The following MYO9B variants were observed in gnomAD, a reference collection of about 807,000 sequenced individuals.
MYO9B encodes the protein unconventional myosin-IXb.
MYO9B carries 71 observed loss-of-function variants against 229.5 expected under a neutral mutation model. That is an observed-to-expected ratio of 0.31 (90% CI 0.26 to 0.38). MYO9B has a LOEUF of 0.38. Ranked by LOEUF, MYO9B falls within the 10% of genes least tolerant of loss-of-function variation. MYO9B has a pLI of 1.00. For synonymous variants in MYO9B, 1,185 were observed against 1,235.8 expected, an observed-to-expected ratio of 0.96 and a Z score of 0.86; for missense variants, 2,255 against 2,920.5, an observed-to-expected ratio of 0.77 and a Z score of 5.25.
chr19:17,174,656 C>A (rs568537200), intron 13 of MYO9B, among the ~76,000 whole-genome samples: 2 of 150,964 alleles, frequency 1.3e-5, no homozygotes, highest in African/African-American at 2.4e-5. Flanking sequence ...ATAAATAGGC[C>A]GGACACGGTG....
intron 19 of MYO9B, among the ~76,000 whole-genome samples, chr19:17,190,819 C>T (rs913580075): frequency 3.3e-5 from 5 of 152,070 alleles, no homozygotes; most frequent in Admixed American, 2.6e-4. Flanking sequence ...CCACCATGCC[C>T]GGCTAAGTAG....
intron 1 of MYO9B, among the ~76,000 whole-genome samples, chr19:17,078,446 A>G (rs544343205): frequency 6.6e-6 from 1 of 152,324 alleles, no homozygotes; most frequent in African/African-American, 2.4e-5. Context: ...AGGCTGAGAC[A>G]GGAGAATTGC....
At chr19:17,210,980 T>TTTC in intron 38 of MYO9B, 132 bp downstream of exon 38, 9 of 588,906 alleles carry the variant, frequency 1.5e-5, no homozygotes, top group South Asian at 3.1e-5. Flanking sequence ...AACAACACTT[T>TTTC]TTTTTTTTTT....
At chr19:17,076,253 A>G (rs1276285679) in intron 1 of MYO9B, among the ~76,000 whole-genome samples, 1 of 151,554 alleles carries the variant, frequency 6.6e-6, no homozygotes, top group Non-Finnish European at 1.5e-5. Flanking sequence ...CAGGGGCGGG[A>G]CAGCCGGGGT....
chr19:17,183,747 G>C, intron 15 of MYO9B, 82 bp from the exon 16 acceptor site: 1 of 1,240,038 alleles, frequency 8.1e-7, no homozygotes, highest in Non-Finnish European at 1.1e-6. Context: ...AGTCTAACCC[G>C]CCAGGCGTGG....
chr19:17,184,357 T>C lies in MYO9B; in HGVS notation c.2373+489T>C, dbSNP rs145313401. 5.9e-5 allele frequency among the ~76,000 whole-genome samples: 9 copies of C among 152,326 alleles called. No homozygotes were observed. The East Asian group carries it at 9.6e-4, about 16-fold the overall frequency. ...TCGTTTCCACATACAAGTGCAGCAA[T>C]TTAAGAAATTTGCAAGAAGAGTAAG... On this transcript the variant is annotated intron_variant, in intron 16 of 39. Transcript: ENST00000682292.
At chr19:17,170,324 A>G (rs77789582) in intron 11 of MYO9B, among the ~76,000 whole-genome samples, 6,536 of 152,104 alleles carry the variant, frequency 0.043, 308 homozygotes, top group African/African-American at 0.11. Flanking sequence ...AGTTGGTGGT[A>G]TGGGGTTAAG....
At chr19:17,146,695 A>C (rs967870051) in intron 3 of MYO9B, among the ~76,000 whole-genome samples, 2 of 152,090 alleles carry the variant, frequency 1.3e-5, no homozygotes, top group Admixed American at 6.6e-5. Context: ...TAGCGAATGG[A>C]TAGATTCATG....
At chr19:17,084,774 G>A (rs935970907) in intron 1 of MYO9B, among the ~76,000 whole-genome samples, 1 of 151,750 alleles carries the variant, frequency 6.6e-6, no homozygotes, top group African/African-American at 2.4e-5. Context: ...GTATGGTGTG[G>A]TGCACCTGTA....
chr19:17,203,469 T>G (rs2145498954), intron 30 of MYO9B, among the ~76,000 whole-genome samples: 1 of 151,936 alleles, frequency 6.6e-6, no homozygotes, highest in East Asian at 1.9e-4. Flanking sequence ...AAAAATTATC[T>G]GGGCACAGTA....
At position 17,115,886 on chromosome 19, in the gene MYO9B, G is replaced by A. The variant is rs565369792; in HGVS notation, c.840+13329G>A. The stretch of plus-strand genomic sequence containing the variant: ...AGCTGGAATCTCTGCATTTGTATCC[G>A]TGCCATAGACATACATACGTATTCA... On this transcript the variant is annotated intron_variant, in intron 2 of 39. Coordinates refer to ENST00000682292, the MANE Select transcript of MYO9B (RefSeq NM_004145.4). Among the ~76,000 whole-genome samples the A allele has an allele frequency of 5.3e-5, 8 of 151,768 alleles. No individual in the cohort carries two copies. The East Asian group carries it at 1.4e-3, about 26-fold the overall frequency.
intron 33 of MYO9B, 112 bp downstream of exon 33, chr19:17,206,488 G>A (rs2073163891): frequency 2.7e-6 from 4 of 1,471,564 alleles, no homozygotes; most frequent in African/African-American, 1.4e-5. Context: ...AGAAACTGAG[G>A]CCCAAAGCAG....
rs773828737 is a variant in MYO9B at position 17,200,849 on chromosome 19, G to C, written c.4563+20G>C. ...AACAAGGTGGGATCACTAGGCGAGGGCCAGGGGCATGAGGCCCGGTCCCCA... is the reference window on the plus strand; with the variant it reads ...AACAAGGTGGGATCACTAGGCGAGGCCCAGGGGCATGAGGCCCGGTCCCCA... On this transcript the variant is annotated intron_variant, in intron 26 of 39. Transcript: ENST00000682292. 2 of 1,609,550 alleles carry C rather than the reference G, an allele frequency of 1.2e-6. No individual in the cohort carries two copies. The highest frequency in any genetic ancestry group is 1.7e-6 in the Non-Finnish European group (2 of 1,176,360).
chr19:17,096,636 A>C (rs1192150620), intron 1 of MYO9B, among the ~76,000 whole-genome samples: 1 of 151,720 alleles, frequency 6.6e-6, no homozygotes, highest in Non-Finnish European at 1.5e-5. Context: ...AAAATAAAAA[A>C]GCAGATGAGC....
chr19:17,210,308 C>T (rs1367629259), intron 36 of MYO9B, 25 bp from the exon 37 acceptor site: 10 of 1,578,786 alleles, frequency 6.3e-6, no homozygotes, highest in Admixed American at 1.8e-5. Context: ...CCCGTGTGGT[C>T]ACCCTGTGTT....
chr19:17,159,527 A>C lies in MYO9B; in HGVS notation c.1419+43A>C, dbSNP rs1300182976. The C allele has an allele frequency of 2.0e-6, 3 of 1,527,286 alleles. No individual in the cohort carries two copies. In the African/African-American group the frequency reaches 4.1e-5, roughly 21 times the overall value. The allele number at this position is 1,527,286 out of a possible 1,614,324, so 94.6% of individuals were successfully genotyped here. A position where few individuals can be genotyped will look rare whatever the true frequency, so the allele number is the denominator to read the frequency against. Reference sequence around the variant, plus strand: ...ACTCACAGGGTGCCAGATCCCAAAAACCAAGTGGGAATGGTCTTTGGAAAG... The same window carrying C: ...ACTCACAGGGTGCCAGATCCCAAAACCCAAGTGGGAATGGTCTTTGGAAAG... On this transcript the variant is annotated intron_variant, in intron 8 of 39. Coordinates refer to ENST00000682292, the MANE Select transcript of MYO9B (RefSeq NM_004145.4).
chr19:17,095,045 C>G (rs1291314422), intron 1 of MYO9B, among the ~76,000 whole-genome samples: 3 of 152,272 alleles, frequency 2.0e-5, no homozygotes, highest in Admixed American at 6.5e-5. Flanking sequence ...TCCAGACCAG[C>G]CTGGCCAACA....
At chr19:17,173,761 G>T (rs73931815) in intron 13 of MYO9B, among the ~76,000 whole-genome samples, 1 of 152,024 alleles carries the variant, frequency 6.6e-6, no homozygotes, top group Non-Finnish European at 1.5e-5. Context: ...TAGAAGGATG[G>T]CAGAAAGCTA....
intron 15 of MYO9B, among the ~76,000 whole-genome samples, chr19:17,182,902 C>T (rs1050615116): frequency 9.9e-5 from 15 of 152,078 alleles, no homozygotes; most frequent in Admixed American, 2.0e-4. Context: ...TTCCTTACCT[C>T]GGCCAAAAGA....
Sources: gnomAD v4.1 joint callset for allele counts (sites outside exome capture counted in the v4.1 genomes callset) on GRCh38, gnomAD v4.1.1 for gene constraint, MANE v1.5 for transcripts, NCBI Gene and HGNC (gene_info 2026-07-23, HGNC 2026-07-21) for gene names.